The following KCNMA1 variants were observed in gnomAD, a reference collection of about 807,000 sequenced individuals.
The protein encoded by KCNMA1 is potassium calcium-activated channel subfamily M alpha 1, also known as Calcium-activated potassium channel subunit alpha-1.
A neutral mutation model predicts 140.0 loss-of-function variants in KCNMA1; 29 were observed. The ratio of observed to expected loss-of-function variants is 0.21; its 90% CI spans 0.15 to 0.28. The LOEUF (loss-of-function observed/expected upper bound fraction) is 0.28. Ranked by LOEUF, KCNMA1 falls within the 10% of genes least tolerant of loss-of-function variation. The pLI, the probability that KCNMA1 is intolerant of heterozygous loss-of-function variation, is 1.00. For synonymous variants in KCNMA1, 612 were observed against 611.9 expected, an observed-to-expected ratio of 1.00 and a Z score of 0.00; for missense variants, 880 against 1,602.2, an observed-to-expected ratio of 0.55 and a Z score of 7.70.
At chr10:77,413,314 G>A (rs569308159) in intron 1 of KCNMA1, among the ~76,000 whole-genome samples, 29 of 152,088 alleles carry the variant, frequency 1.9e-4, no homozygotes, top group African/African-American at 6.5e-4. Context: ...CCTCTCCTTC[G>A]CCTCAGGTTT....
intron 14 of KCNMA1, among the ~76,000 whole-genome samples, chr10:77,043,314 A>G (rs1368149133): frequency 2.0e-5 from 3 of 152,216 alleles, no homozygotes; most frequent in Admixed American, 6.5e-5. Context: ...GTTTCTGGTA[A>G]AGGAATTTCA....
Position 77,233,933 on chromosome 10 carries a change from C to T in KCNMA1, c.602+17262G>A, listed in dbSNP as rs187860657. On this transcript the variant is annotated intron_variant, in intron 3 of 27. Transcript: ENST00000286628. ...TTACAAGTGGCACCCCGAACAGTGA[C>T]AGAATCAGGTGTTCTACAATAAATT... Among the ~76,000 whole-genome samples the T allele has an allele frequency of 2.5e-3, 380 of 152,268 alleles. 3 individuals carry two copies. The highest frequency in any genetic ancestry group is 8.7e-3 in the African/African-American group (362 of 41,562).
intron 25 of KCNMA1, 110 bp downstream of exon 25, chr10:76,909,856 G>T: frequency 8.8e-7 from 1 of 1,142,288 alleles, no homozygotes; most frequent in Non-Finnish European, 1.3e-6. Context: ...GCTTCTAGGA[G>T]TCTTGCTCTC....
chr10:77,574,223 C>A (rs1213599209), intron 1 of KCNMA1, among the ~76,000 whole-genome samples: 2 of 151,468 alleles, frequency 1.3e-5, no homozygotes, highest in African/African-American at 2.4e-5. Flanking sequence ...AGGAACTTTT[C>A]TTTCTATAAG....
At chr10:77,483,251 C>T (rs931636328) in intron 1 of KCNMA1, among the ~76,000 whole-genome samples, 30 of 152,160 alleles carry the variant, frequency 2.0e-4, no homozygotes, top group African/African-American at 6.5e-4. Context: ...CTCTCTGCTC[C>T]GACCCTTCTC....
intron 20 of KCNMA1, among the ~76,000 whole-genome samples, chr10:76,958,400 C>T (rs1292931517): frequency 1.3e-5 from 2 of 152,196 alleles, no homozygotes; most frequent in Non-Finnish European, 2.9e-5. Flanking sequence ...TCACTTGCGA[C>T]TTAGCCAATG....
At chr10:77,245,026 C>A (rs980300257) in intron 3 of KCNMA1, among the ~76,000 whole-genome samples, 3 of 150,892 alleles carry the variant, frequency 2.0e-5, no homozygotes, top group East Asian at 3.9e-4. Context: ...CAAAGCCTGG[C>A]AATAAAAATG....
At chr10:77,528,073 G>A (rs2056437980) in intron 1 of KCNMA1, among the ~76,000 whole-genome samples, 1 of 152,160 alleles carries the variant, frequency 6.6e-6, no homozygotes, top group Non-Finnish European at 1.5e-5. Context: ...CTCCTCATCT[G>A]AAAACCAGGA....
At chr10:76,884,786 G>A (rs2036119487), downstream of KCNMA1, 1 of 656,208 alleles carries the variant, frequency 1.5e-6, no homozygotes, top group South Asian at 2.8e-5. Context: ...GGGAAAAGGA[G>A]AGGGAAAGGG....
At chr10:76,914,220 G>A in intron 24 of KCNMA1, 1 of 1,045,506 alleles carries the variant, frequency 9.6e-7, no homozygotes, top group Non-Finnish European at 1.4e-6. Context: ...AATAACAGAG[G>A]AAACATTCTC....
intron 1 of KCNMA1, among the ~76,000 whole-genome samples, chr10:77,515,253 A>G (rs745397256): frequency 7.2e-5 from 11 of 152,070 alleles, no homozygotes; most frequent in Admixed American, 2.6e-4. Context: ...GCCCAAACCA[A>G]TCATCACCAT....
At chr10:77,018,305 T>C (rs2092421526) in intron 17 of KCNMA1, among the ~76,000 whole-genome samples, 1 of 152,238 alleles carries the variant, frequency 6.6e-6, no homozygotes, top group Non-Finnish European at 1.5e-5. Flanking sequence ...CTGAATGACC[T>C]GTCTGAACAT....
chr10:76,915,799 TA>T (rs565933614), intron 23 of KCNMA1, among the ~76,000 whole-genome samples: 89 of 152,240 alleles, frequency 5.8e-4, no homozygotes, highest in African/African-American at 1.9e-3. Flanking sequence ...TCCTTGCTCT[TA>T]AAAAGAAACA....
At chr10:77,452,989 G>C (rs1041263123) in intron 1 of KCNMA1, among the ~76,000 whole-genome samples, 1 of 152,102 alleles carries the variant, frequency 6.6e-6, no homozygotes, top group African/African-American at 2.4e-5. Flanking sequence ...ACAGGGATGG[G>C]GGTACCTAGC....
downstream of KCNMA1, chr10:76,872,865 T>A (rs555903704): frequency 6.6e-6 from 1 of 152,234 alleles, no homozygotes; most frequent in Non-Finnish European, 1.5e-5. Context: ...TATTTTAAAA[T>A]ACTGCTTATT....
chr10:77,243,174 G>C (rs1022958533), intron 3 of KCNMA1, among the ~76,000 whole-genome samples: 7 of 146,186 alleles, frequency 4.8e-5, no homozygotes, highest in African/African-American at 1.8e-4. Context: ...CCATGATAAA[G>C]CTGTAAAAGC....
intron 1 of KCNMA1, among the ~76,000 whole-genome samples, chr10:77,496,622 A>AG (rs2042051539): frequency 6.6e-6 from 1 of 150,742 alleles, no homozygotes; most frequent in Admixed American, 6.6e-5. Context: ...AAAAAAAAAA[A>AG]AGAGGACAGG....
chr10:77,148,061 C>A (rs1037042863), intron 5 of KCNMA1, among the ~76,000 whole-genome samples: 2 of 152,070 alleles, frequency 1.3e-5, no homozygotes, highest in Non-Finnish European at 2.9e-5. Flanking sequence ...CTTTGCATAG[C>A]CCTGGGAATG....
chr10:76,966,585 TTACAA>T (rs1473054306), intron 20 of KCNMA1, among the ~76,000 whole-genome samples: 10 of 152,124 alleles, frequency 6.6e-5, no homozygotes, highest in Admixed American at 5.9e-4. Context: ...CCCTAGGACT[TTACAA>T]ATGAGGAAAG....
Sources: gnomAD v4.1 joint callset for allele counts (sites outside exome capture counted in the v4.1 genomes callset) on GRCh38, gnomAD v4.1.1 for gene constraint, MANE v1.5 for transcripts, NCBI Gene and HGNC (gene_info 2026-07-23, HGNC 2026-07-21) for gene names.